Variants in SUGCT observed in about 807,000 individuals in gnomAD.
SUGCT encodes the protein succinyl-CoA:glutarate CoA-transferase.
Under a neutral mutation model 55.0 loss-of-function variants are expected in SUGCT, and 41 were observed. That is an observed-to-expected ratio of 0.74 (90% CI 0.58 to 0.97). The LOEUF (loss-of-function observed/expected upper bound fraction) is 0.97, where lower values mean the gene tolerates loss of function less well. Ranked by LOEUF, SUGCT falls within the 50% of genes least tolerant of loss-of-function variation. The pLI is 0.00. For missense variants in SUGCT, 568 were observed against 547.8 expected, an observed-to-expected ratio of 1.04 and a Z score of -0.37; for synonymous variants, 187 against 200.4, an observed-to-expected ratio of 0.93 and a Z score of 0.56.
chr7:40,833,650 C>T (rs546035474), intron 13 of SUGCT, among the ~76,000 whole-genome samples: 4 of 152,298 alleles, frequency 2.6e-5, no homozygotes, highest in African/African-American at 9.6e-5. Context: ...GCACGTGCTA[C>T]ATCATTAATG....
At position 40,836,043 on chromosome 7, in the gene SUGCT, TC is replaced by T. The variant is rs1792956507; in HGVS notation, c.1154-24272del. On this transcript the variant is annotated intron_variant, in intron 13 of 13. Coordinates refer to ENST00000335693, the MANE Select transcript of SUGCT (RefSeq NM_001193313.2). ...GAGTAGCTGGGACTACAGGTTTATGTCACTATGCCTACTAATTTTTTAATTT... is the reference window on the plus strand; with the variant it reads ...GAGTAGCTGGGACTACAGGTTTATGTACTATGCCTACTAATTTTTTAATTT... 2.0e-5 allele frequency among the ~76,000 whole-genome samples: 3 copies of T among 150,662 alleles called. No individual in the cohort carries two copies. In the South Asian group the frequency reaches 6.4e-4, roughly 32 times the overall value.
chr7:40,484,368 A>G (rs1363776365), intron 11 of SUGCT, among the ~76,000 whole-genome samples: 1 of 152,188 alleles, frequency 6.6e-6, no homozygotes, highest in African/African-American at 2.4e-5. Flanking sequence ...TTTTGGAACC[A>G]TTGGGTTGAT....
At chr7:40,333,668 A>AT (rs1475775770) in intron 9 of SUGCT, among the ~76,000 whole-genome samples, 1 of 34,310 alleles carries the variant, frequency 2.9e-5, no homozygotes, top group African/African-American at 1.3e-4. Flanking sequence ...AAAAAAAAAA[A>AT]ATATATATAT....
chr7:40,722,014 AC>A (rs1463530629), intron 12 of SUGCT, among the ~76,000 whole-genome samples: 1 of 152,116 alleles, frequency 6.6e-6, no homozygotes, highest in Non-Finnish European at 1.5e-5. Context: ...AAGGAAGAAA[AC>A]CTATCCATTT....
At chr7:40,319,147 A>T (rs1402820821) in intron 9 of SUGCT, among the ~76,000 whole-genome samples, 4 of 152,194 alleles carry the variant, frequency 2.6e-5, no homozygotes, top group Non-Finnish European at 2.9e-5. Context: ...CATAAAATGG[A>T]TAGTATACTT....
the SUGCT span, among the ~76,000 whole-genome samples, chr7:40,999,595 G>A: frequency 6.6e-6 from 1 of 152,128 alleles, no homozygotes; most frequent in African/African-American, 2.4e-5. Context: ...GATAAATGTA[G>A]TAGAATGCTG....
At chr7:40,956,485 A>G in the SUGCT span, among the ~76,000 whole-genome samples, 663 of 151,842 alleles carry the variant, frequency 4.4e-3, 13 homozygotes, top group Admixed American at 0.029. Context: ...TCCCTTTATC[A>G]TTTTCATTGT....
At chr7:40,918,541 G>T in the SUGCT span, among the ~76,000 whole-genome samples, 1 of 151,832 alleles carries the variant, frequency 6.6e-6, no homozygotes, top group Non-Finnish European at 1.5e-5. Context: ...ATGATAAGAG[G>T]AAAGTCAAGT....
chr7:40,909,634 T>C, the SUGCT span, among the ~76,000 whole-genome samples: 1 of 152,164 alleles, frequency 6.6e-6, no homozygotes, highest in Non-Finnish European at 1.5e-5. Flanking sequence ...GGCTTTTCAT[T>C]CTGTGTAACT....
the SUGCT span, among the ~76,000 whole-genome samples, chr7:41,035,885 C>T: frequency 1.3e-5 from 2 of 152,154 alleles, no homozygotes; most frequent in Admixed American, 1.3e-4. Context: ...ATCTGCCTCA[C>T]ATGATGCAGC....
chr7:40,266,784 A>G (rs1791606597), intron 7 of SUGCT, among the ~76,000 whole-genome samples: 1 of 152,094 alleles, frequency 6.6e-6, no homozygotes, highest in Admixed American at 6.5e-5. Flanking sequence ...TGGGAGGCCA[A>G]GGCGGGCACA....
At chr7:40,976,387 A>G in the SUGCT span, among the ~76,000 whole-genome samples, 3 of 152,242 alleles carry the variant, frequency 2.0e-5, no homozygotes, top group African/African-American at 7.2e-5. Flanking sequence ...TGCAGTAAGA[A>G]TAAAAATATC....
intron 9 of SUGCT, among the ~76,000 whole-genome samples, chr7:40,377,200 TTTCTTTTCTTTTCTTTC>T (rs1784623190): frequency 1.7e-4 from 1 of 5,952 alleles, no homozygotes; most frequent in Admixed American, 5.2e-3. Flanking sequence ...CTTTCTTTCT[TTTCTTTTCTTTTCTTTC>T]TTTTCTTTCT....
intron 7 of SUGCT, among the ~76,000 whole-genome samples, chr7:40,244,479 A>G (rs559517439): frequency 2.0e-4 from 30 of 152,328 alleles, no homozygotes; most frequent in Middle Eastern, 3.4e-3. Context: ...AAGGTCAAGT[A>G]AAGAAGTTGG....
chr7:40,650,609 C>T (rs968584510), intron 12 of SUGCT, among the ~76,000 whole-genome samples: 1 of 152,186 alleles, frequency 6.6e-6, no homozygotes, highest in East Asian at 1.9e-4. Context: ...ATCAGATACT[C>T]CTCCATTTTC....
chr7:40,326,735 T>C (rs1796045078), intron 9 of SUGCT, among the ~76,000 whole-genome samples: 1 of 152,188 alleles, frequency 6.6e-6, no homozygotes, highest in South Asian at 2.1e-4. Flanking sequence ...AATGGTTTAA[T>C]TAATTGAGAT....
intron 9 of SUGCT, among the ~76,000 whole-genome samples, chr7:40,392,502 C>T (rs971678729): frequency 2.6e-5 from 4 of 151,706 alleles, no homozygotes; most frequent in Non-Finnish European, 4.4e-5. Context: ...TCGGAAAGCA[C>T]ATCTTATTAT....
At chr7:40,575,958 A>G (rs1562873411) in intron 12 of SUGCT, among the ~76,000 whole-genome samples, 2 of 152,108 alleles carry the variant, frequency 1.3e-5, no homozygotes, top group Non-Finnish European at 2.9e-5. Context: ...AAAAAAAAAA[A>G]AAAGAAAAAG....
chr7:40,613,247 G>A (rs1396907041), intron 12 of SUGCT, among the ~76,000 whole-genome samples: 1 of 152,216 alleles, frequency 6.6e-6, no homozygotes, highest in African/African-American at 2.4e-5. Context: ...TCATAGCAGG[G>A]TTTTGGTGGG....
Sources: allele counts gnomAD v4.1 joint callset (sites outside exome capture counted in the v4.1 genomes callset), GRCh38; gene constraint gnomAD v4.1.1; transcripts MANE v1.5; gene names NCBI Gene and HGNC (gene_info 2026-07-23, HGNC 2026-07-21).